PPP1R12B: variants seen among roughly 807,000 people sequenced by gnomAD.
The protein encoded by PPP1R12B is protein phosphatase 1 regulatory subunit 12B.
A neutral mutation model predicts 126.1 loss-of-function variants in PPP1R12B; 76 were observed. The observed-to-expected ratio is 0.60, with a 90% CI of 0.50 to 0.73. The LOEUF is 0.73. Ranked by LOEUF, PPP1R12B falls within the 30% of genes least tolerant of loss-of-function variation. The probability of loss-of-function intolerance (pLI) is 0.00; values close to 1 mark genes in which losing one functional copy is unlikely to be tolerated. For synonymous variants in PPP1R12B, 356 were observed against 434.7 expected, an observed-to-expected ratio of 0.82 and a Z score of 2.25; for missense variants, 1,052 against 1,205.1, an observed-to-expected ratio of 0.87 and a Z score of 1.88.
intron 1 of PPP1R12B, among the ~76,000 whole-genome samples, chr1:202,367,110 A>G (rs528344865): frequency 2.0e-5 from 3 of 152,230 alleles, no homozygotes; most frequent in Non-Finnish European, 4.4e-5. Flanking sequence ...ACAAAATTTT[A>G]TTCAGAAGAT....
At chr1:202,384,721 A>G (rs534696892) in intron 1 of PPP1R12B, among the ~76,000 whole-genome samples, 13 of 152,366 alleles carry the variant, frequency 8.5e-5, no homozygotes, top group African/African-American at 2.6e-4. Context: ...TTACATCTCA[A>G]TGAAGATGTT....
Position 202,348,973 on chromosome 1 carries a change from CG to C in PPP1R12B, c.126del (p.Arg43GlyfsTer4). 1.2e-6 allele frequency: 2 copies of C among 1,601,758 alleles called. No homozygotes were observed. The highest frequency in any genetic ancestry group is 1.7e-6 in the Non-Finnish European group (2 of 1,175,460). On this transcript the variant is annotated frameshift_variant, in exon 1 of 24. Coordinates refer to ENST00000608999, the MANE Select transcript of PPP1R12B (RefSeq NM_002481.4). LOFTEE classifies it high-confidence loss of function. ...TEQEPAERRGAGRQPLTRRGS... is the reference protein window; with the variant it reads ...TEQEPAERRGXGRQPLTRRGS... ...CAGGAGCCTGCGGAGCGACGAGGCG[CG>C]GGGCGGCAGCCGCTGACCAGGCGCG...
chr1:202,473,673 G>T (rs1329111875), intron 13 of PPP1R12B, among the ~76,000 whole-genome samples: 1 of 152,176 alleles, frequency 6.6e-6, no homozygotes, highest in Non-Finnish European at 1.5e-5. Context: ...GTTATTTTGG[G>T]AACTATTAGC....
intron 8 of PPP1R12B, among the ~76,000 whole-genome samples, chr1:202,432,931 A>G (rs1296310514): frequency 6.6e-6 from 1 of 152,122 alleles, no homozygotes; most frequent in East Asian, 1.9e-4. Flanking sequence ...TGCTGATATG[A>G]TTTCTCTCCA....
chr1:202,383,654 G>T (rs1163895368), intron 1 of PPP1R12B, among the ~76,000 whole-genome samples: 1 of 152,076 alleles, frequency 6.6e-6, no homozygotes, highest in African/African-American at 2.4e-5. Flanking sequence ...AACCCAGGAG[G>T]TGGAGGTTGC....
chr1:202,417,223 G>C (rs1668191125), intron 2 of PPP1R12B: 1 of 984,976 alleles, frequency 1.0e-6, no homozygotes, highest in Non-Finnish European at 1.2e-6. Context: ...CTGTAGCTGG[G>C]CACGTATACA....
At chr1:202,477,105 AC>A (rs1347201775) in intron 13 of PPP1R12B, among the ~76,000 whole-genome samples, 2 of 152,152 alleles carry the variant, frequency 1.3e-5, no homozygotes, top group African/African-American at 4.8e-5. Flanking sequence ...ATTGTAGCAC[AC>A]CTATCCTTTC....
At chr1:202,469,530 A>G (rs979709819) in intron 13 of PPP1R12B, among the ~76,000 whole-genome samples, 4 of 152,210 alleles carry the variant, frequency 2.6e-5, no homozygotes, top group African/African-American at 9.6e-5. Context: ...ACCAAGTAGC[A>G]TGAGTGAGTT....
chr1:202,446,124 TATA>T (rs1346069831), intron 12 of PPP1R12B, among the ~76,000 whole-genome samples: 1 of 151,086 alleles, frequency 6.6e-6, no homozygotes, highest in Admixed American at 6.6e-5. Context: ...ATTAGGTCCT[TATA>T]ATAATCCAGT....
chr1:202,538,140 C>G (rs184660295), intron 18 of PPP1R12B, among the ~76,000 whole-genome samples: 16 of 152,194 alleles, frequency 1.1e-4, no homozygotes, highest in African/African-American at 3.1e-4. Flanking sequence ...ACTACAGGTG[C>G]CCCCCACAAT....
In PPP1R12B at chr1:202,405,505, A is replaced by G. The variant is rs529172369; in HGVS notation, c.292-11282A>G. On this transcript the variant is annotated intron_variant, in intron 1 of 23. Coordinates refer to ENST00000608999, the MANE Select transcript of PPP1R12B (RefSeq NM_002481.4). ...CCCTTGTTAACTCTGGAGATAATAC[A>G]AGGGTAATATAATAATAGCAGCTAA... 7.2e-5 allele frequency among the ~76,000 whole-genome samples: 11 copies of G among 152,322 alleles called. No homozygotes were observed. The East Asian group carries it at 2.1e-3, about 29-fold the overall frequency.
At chr1:202,465,494 T>C (rs533590225) in intron 13 of PPP1R12B, among the ~76,000 whole-genome samples, 4 of 152,358 alleles carry the variant, frequency 2.6e-5, no homozygotes, top group Admixed American at 6.5e-5. Context: ...TTTTTGTTTT[T>C]ATTTTTGATT....
intron 18 of PPP1R12B, among the ~76,000 whole-genome samples, chr1:202,518,568 G>A (rs1276128577): frequency 6.6e-6 from 1 of 152,218 alleles, no homozygotes; most frequent in Non-Finnish European, 1.5e-5. Context: ...AATTGTATAT[G>A]TCATCTGATT....
chr1:202,404,561 G>T (rs2148574468), intron 1 of PPP1R12B, among the ~76,000 whole-genome samples: 1 of 152,036 alleles, frequency 6.6e-6, no homozygotes, highest in Non-Finnish European at 1.5e-5. Context: ...GAGTGCAGTG[G>T]CGTGTCTTGG....
At chr1:202,414,184 A>G (rs1667772696) in intron 1 of PPP1R12B, among the ~76,000 whole-genome samples, 1 of 152,232 alleles carries the variant, frequency 6.6e-6, no homozygotes, top group South Asian at 2.1e-4. Flanking sequence ...GGCCTCCCAA[A>G]GTGCTGGGAT....
chr1:202,405,571 A>G (rs1302860801), intron 1 of PPP1R12B, among the ~76,000 whole-genome samples: 1 of 152,204 alleles, frequency 6.6e-6, no homozygotes, highest in Non-Finnish European at 1.5e-5. Context: ...AAGTGTTTTT[A>G]TGTACATTAG....
chr1:202,490,690 A>G (rs1464970786), intron 14 of PPP1R12B, among the ~76,000 whole-genome samples: 1 of 152,196 alleles, frequency 6.6e-6, no homozygotes, highest in African/African-American at 2.4e-5. Flanking sequence ...GAACTTGACT[A>G]TGCTAGGAAC....
chr1:202,407,381 CAGTTT>C (rs973596571), intron 1 of PPP1R12B, among the ~76,000 whole-genome samples: 3 of 152,106 alleles, frequency 2.0e-5, no homozygotes, highest in African/African-American at 7.2e-5. Context: ...GGTAATATGC[CAGTTT>C]ACTGAGAACA....
intron 18 of PPP1R12B, among the ~76,000 whole-genome samples, chr1:202,504,460 G>A (rs983562719): frequency 1.3e-5 from 2 of 152,146 alleles, no homozygotes; most frequent in African/African-American, 4.8e-5. Context: ...AGTTGTTACT[G>A]TATATTAAAA....
Sources: gnomAD v4.1 joint callset for allele counts (sites outside exome capture counted in the v4.1 genomes callset) on GRCh38, gnomAD v4.1.1 for gene constraint, MANE v1.5 for transcripts, NCBI Gene and HGNC (gene_info 2026-07-23, HGNC 2026-07-21) for gene names.